The following LMO7 variants were observed in gnomAD, a reference collection of about 807,000 sequenced individuals.
LMO7 encodes LIM domain 7, also known as LIM domain only protein 7.
A neutral mutation model predicts 206.5 loss-of-function variants in LMO7; 120 were observed. That is an observed-to-expected ratio of 0.58 (90% CI 0.50 to 0.68). The LOEUF (loss-of-function observed/expected upper bound fraction) is 0.68, where lower values mean the gene tolerates loss of function less well. LMO7 is among the 30% of genes least tolerant of loss of function. The pLI is 0.00. For missense variants in LMO7, 1,959 were observed against 1,957.9 expected (o/e 1.00, Z -0.01); for synonymous variants, 706 against 681.5 (o/e 1.04, Z -0.56).
intron 5 of LMO7, 36 bp downstream of exon 5, chr13:75,795,467 G>A: frequency 6.8e-7 from 1 of 1,465,246 alleles, no homozygotes; most frequent in Non-Finnish European, 9.5e-7. Flanking sequence ...CATTATAAGT[G>A]GCTTTCACTT....
At chr13:75,693,912 T>G (rs1296777347) in intron 1 of LMO7, among the ~76,000 whole-genome samples, 1 of 152,196 alleles carries the variant, frequency 6.6e-6, no homozygotes, top group Non-Finnish European at 1.5e-5. Flanking sequence ...TTTTCCTGAT[T>G]TGTGCTCTTT....
At chr13:75,822,821 A>AAATT (rs2057729343) in intron 14 of LMO7, among the ~76,000 whole-genome samples, 1 of 74,456 alleles carries the variant, frequency 1.3e-5, no homozygotes, top group African/African-American at 4.5e-5. Flanking sequence ...TATATATATA[A>AAATT]TAAAATATAT....
chr13:75,793,432 C>T (rs548196262), intron 4 of LMO7, among the ~76,000 whole-genome samples: 7 of 152,080 alleles, frequency 4.6e-5, no homozygotes, highest in Non-Finnish European at 7.4e-5. Context: ...CCCACCACCA[C>T]GCCTGGCTAA....
Position 75,853,083 on chromosome 13 carries a change from G to T in LMO7, c.4365-9G>T, listed in dbSNP as rs1292878603. ...CACATTATTTTGATGAGTCTTTTTT[G>T]TGTTTCAGAGGCGAATCTTTAGATA... On this transcript the variant is annotated splice_polypyrimidine_tract_variant and intron_variant, in intron 27 of 30. Transcript: ENST00000377534. The T allele has an allele frequency of 7.7e-6, 12 of 1,566,268 alleles. No individual in the cohort carries two copies. In the Admixed American group the frequency reaches 9.6e-5, roughly 12 times the overall value.
At chr13:75,771,381 T>C (rs1327978245) in intron 4 of LMO7, among the ~76,000 whole-genome samples, 2 of 152,074 alleles carry the variant, frequency 1.3e-5, no homozygotes, top group African/African-American at 4.8e-5. Context: ...TTTATGACTT[T>C]CATGCAGATA....
chr13:75,669,377 C>T (rs1008551446), intron 1 of LMO7, among the ~76,000 whole-genome samples: 10 of 152,050 alleles, frequency 6.6e-5, no homozygotes, highest in African/African-American at 1.7e-4. Flanking sequence ...GTGACCCCCC[C>T]GCCGCCCCGC....
In LMO7 at chr13:75,807,548, A is replaced by T. The variant is rs529466164; in HGVS notation, c.1265A>T (p.Lys422Ile). Residue 422 changes from lysine (K) to isoleucine (I), a missense_variant, in exon 10 of 31, where the codon AAA (lysine) becomes ATA (isoleucine). By Grantham distance (102) the Lys-to-Ile change is moderately radical (BLOSUM62 -3). Transcript: ENST00000377534. ...DDILSSETHT[K>I]IDPTSGPRLI... ...ATCTTGTCTTCTGAAACACATACCA[A>T]AATTGATCCCACTTCTGGCCCAAGG... 6.2e-7 allele frequency: 1 copy of T among 1,613,782 alleles called. No individual in the cohort carries two copies. The highest frequency in any genetic ancestry group is 1.3e-5 in the African/African-American group (1 of 74,902).
intron 15 of LMO7, among the ~76,000 whole-genome samples, chr13:75,828,971 C>A (rs1320747502): frequency 6.6e-6 from 1 of 152,102 alleles, no homozygotes; most frequent in East Asian, 1.9e-4. Flanking sequence ...TCCAGTGTTT[C>A]TAACGTGGGC....
At chr13:75,701,555 T>G (rs1401611708) in intron 1 of LMO7, among the ~76,000 whole-genome samples, 1 of 152,230 alleles carries the variant, frequency 6.6e-6, no homozygotes, top group Non-Finnish European at 1.5e-5. Context: ...CCCATGATTA[T>G]ATTAAGCATT....
chr13:75,758,092 C>T (rs1006802090), intron 3 of LMO7, among the ~76,000 whole-genome samples: 1 of 152,130 alleles, frequency 6.6e-6, no homozygotes, highest in African/African-American at 2.4e-5. Context: ...TGTTAACTCT[C>T]TTTCCAAAGC....
In LMO7 at chr13:75,655,637, TTATATATATATATATATATA is replaced by T. The variant is rs67966172; in HGVS notation, c.69+18945_69+18964del. 7.8e-3 allele frequency among the ~76,000 whole-genome samples: 1,052 copies of T among 134,694 alleles called. 19 individuals carry two copies. Among genetic ancestry groups the T allele is most frequent in the East Asian group, 0.027 (130 of 4,766 alleles). The allele number at this position is 134,694 out of a possible 152,430, so 88.4% of individuals were successfully genotyped here. On this transcript the variant is annotated intron_variant, in intron 1 of 30. Coordinates refer to ENST00000377534, the MANE Select transcript of LMO7 (RefSeq NM_001306080.2). The stretch of plus-strand genomic sequence containing the variant: ...TGCTGAATATTTTTGTTCATGGATT[TTATATATATATATATATATA>T]TATATATATATATATATATATATAT...
At chr13:75,750,377 C>CTTTTTTTTTT (rs34407423) in intron 3 of LMO7, among the ~76,000 whole-genome samples, 2 of 93,382 alleles carry the variant, frequency 2.1e-5, no homozygotes, top group African/African-American at 4.2e-5. Context: ...CTGGGGGATC[C>CTTTTTTTTTT]TTTTTTTTTT....
intron 1 of LMO7, among the ~76,000 whole-genome samples, chr13:75,698,862 T>A (rs969283714): frequency 6.6e-6 from 1 of 152,178 alleles, no homozygotes; most frequent in South Asian, 2.1e-4. Flanking sequence ...TTAAAGTATA[T>A]AATTCAGTGG....
intron 1 of LMO7, among the ~76,000 whole-genome samples, chr13:75,712,891 ATTTAG>A (rs767618209): frequency 6.6e-6 from 1 of 152,200 alleles, no homozygotes. Flanking sequence ...TATGTTGAAA[ATTTAG>A]TTTAGCTCTT....
chr13:75,782,808 G>A (rs2051737989), intron 4 of LMO7, among the ~76,000 whole-genome samples: 1 of 152,108 alleles, frequency 6.6e-6, no homozygotes, highest in Admixed American at 6.5e-5. Context: ...TACAACAGTC[G>A]AGTCTCCCTC....
At chr13:75,834,137 CAG>C in intron 16 of LMO7, 87 bp from the exon 17 acceptor site, 2 of 919,274 alleles carry the variant, frequency 2.2e-6, no homozygotes, top group East Asian at 5.3e-5. Flanking sequence ...AATTGAAATT[CAG>C]AGTCATTTTT....
At chr13:75,640,337 G>A (rs1386389665) in intron 1 of LMO7, among the ~76,000 whole-genome samples, 1 of 152,196 alleles carries the variant, frequency 6.6e-6, no homozygotes, top group Non-Finnish European at 1.5e-5. Flanking sequence ...TTAAATGGAT[G>A]CTGATGGTAG....
chr13:75,761,887 A>C (rs2048267558), intron 4 of LMO7, among the ~76,000 whole-genome samples: 1 of 152,182 alleles, frequency 6.6e-6, no homozygotes, highest in African/African-American at 2.4e-5. Flanking sequence ...CTATAGAAAT[A>C]ATGAAAATGG....
At chr13:75,843,242 C>G (rs574023005) in intron 25 of LMO7, among the ~76,000 whole-genome samples, 1 of 152,298 alleles carries the variant, frequency 6.6e-6, no homozygotes, top group East Asian at 1.9e-4. Flanking sequence ...TCAGCTGGGG[C>G]TGTGAGAACA....
Sources: gnomAD v4.1 joint callset for allele counts (sites outside exome capture counted in the v4.1 genomes callset) on GRCh38, gnomAD v4.1.1 for gene constraint, MANE v1.5 for transcripts, NCBI Gene and HGNC (gene_info 2026-07-23, HGNC 2026-07-21) for gene names.